CYP2J2: variants seen among roughly 807,000 people sequenced by gnomAD.
CYP2J2 encodes the protein cytochrome P450 2J2.
CYP2J2 carries 41 observed loss-of-function variants against 48.8 expected under a neutral mutation model. The ratio of observed to expected loss-of-function variants is 0.84; its 90% CI spans 0.66 to 1.09. The LOEUF is 1.09. CYP2J2 is among the 50% of genes least tolerant of loss of function. The pLI is 0.00. For synonymous variants in CYP2J2, 221 were observed against 227.1 expected (o/e 0.97, Z 0.24); for missense variants, 644 against 617.3 (o/e 1.04, Z -0.46).
the CYP2J2 span, among the ~76,000 whole-genome samples, chr1:59,957,490 A>C: frequency 3.3e-5 from 5 of 152,100 alleles, no homozygotes; most frequent in Non-Finnish European, 5.9e-5. Context: ...GAACTTGACA[A>C]CACCAGGCAT....
intron 8 of CYP2J2, among the ~76,000 whole-genome samples, chr1:59,897,361 AC>A (rs976091602): frequency 3.3e-5 from 5 of 152,216 alleles, no homozygotes; most frequent in African/African-American, 1.2e-4. Flanking sequence ...TTCTCGCAAA[AC>A]TAAACTTATC....
At chr1:59,935,033 T>TATAC in the CYP2J2 span, among the ~76,000 whole-genome samples, 3 of 96,944 alleles carry the variant, frequency 3.1e-5, no homozygotes, top group African/African-American at 1.3e-4. Context: ...TATATATATA[T>TATAC]ATATATATAT....
chr1:59,966,378 T>A, the CYP2J2 span, among the ~76,000 whole-genome samples: 6 of 152,138 alleles, frequency 3.9e-5, no homozygotes, highest in African/African-American at 1.4e-4. Flanking sequence ...ATATTTAAAG[T>A]TTTTTATGGG....
the CYP2J2 span, among the ~76,000 whole-genome samples, chr1:59,952,837 T>TCCTCTA: frequency 6.6e-6 from 1 of 152,174 alleles, no homozygotes; most frequent in African/African-American, 2.4e-5. Flanking sequence ...GCATGGTCCC[T>TCCTCTA]CCTCTACCTA....
chr1:59,944,648 G>A, the CYP2J2 span, among the ~76,000 whole-genome samples: 1 of 152,096 alleles, frequency 6.6e-6, no homozygotes, highest in South Asian at 2.1e-4. Context: ...TATTTCCTAC[G>A]TACAAGAATA....
the CYP2J2 span, among the ~76,000 whole-genome samples, chr1:59,941,424 T>C: frequency 3.3e-3 from 500 of 152,334 alleles, 1 homozygote; most frequent in African/African-American, 0.011. Context: ...ATAATACAAA[T>C]AATTATGTAC....
intron 1 of CYP2J2, among the ~76,000 whole-genome samples, chr1:59,924,646 AC>A (rs1261845025): frequency 6.6e-6 from 1 of 152,124 alleles, no homozygotes; most frequent in Non-Finnish European, 1.5e-5. Context: ...CACTTGTAAA[AC>A]ATAATACAAA....
In CYP2J2 at chr1:59,912,192, G is replaced by A. The variant is rs759945858; in HGVS notation, c.493C>T (p.His165Tyr). 4.3e-6 allele frequency: 7 copies of A among 1,613,660 alleles called. No homozygotes were observed. The highest frequency in any genetic ancestry group is 1.6e-4 in the Middle Eastern group (1 of 6,078). Reference protein sequence around the residue: ...LEERIQEEAQHLTEAIKEENG... With the variant: ...LEERIQEEAQYLTEAIKEENG... The stretch of plus-strand genomic sequence containing the variant: ...TCCTCTTTTATTGCTTCAGTGAGGT[G>A]TTGGGCCTCCTCCTGAATGCGTTCC... The change falls in exon 3 of 9, where the codon CAC (histidine) becomes TAC (tyrosine). Residue 165 changes from histidine to tyrosine, a missense_variant. Physicochemically the swap from His to Tyr is moderately conservative, Grantham distance 83. Transcript: ENST00000371204.
chr1:59,914,713 T>C (rs1483064437), intron 2 of CYP2J2, among the ~76,000 whole-genome samples: 1 of 152,168 alleles, frequency 6.6e-6, no homozygotes, highest in East Asian at 1.9e-4. Context: ...TGTCCAAGGT[T>C]TCTCCCCATG....
At chr1:59,949,826 C>T in the CYP2J2 span, among the ~76,000 whole-genome samples, 10 of 151,438 alleles carry the variant, frequency 6.6e-5, no homozygotes, top group Non-Finnish European at 1.2e-4. Context: ...TTAATGGCTC[C>T]AGTCACCTGG....
the CYP2J2 span, among the ~76,000 whole-genome samples, chr1:59,948,114 A>G: frequency 1.3e-5 from 2 of 152,160 alleles, no homozygotes; most frequent in African/African-American, 4.8e-5. Flanking sequence ...CCCACTAGAA[A>G]GTTGGTGCCC....
chr1:59,942,705 A>G, the CYP2J2 span, among the ~76,000 whole-genome samples: 4 of 152,276 alleles, frequency 2.6e-5, no homozygotes, highest in South Asian at 2.1e-4. Flanking sequence ...GGTGGATGGC[A>G]TTGGCTTAGA....
At chr1:59,944,806 A>G in the CYP2J2 span, among the ~76,000 whole-genome samples, 12 of 152,096 alleles carry the variant, frequency 7.9e-5, no homozygotes, top group African/African-American at 2.4e-4. Context: ...CAAAAAATGC[A>G]TTATTTTAAT....
At chr1:59,955,992 C>T in the CYP2J2 span, among the ~76,000 whole-genome samples, 1 of 151,970 alleles carries the variant, frequency 6.6e-6, no homozygotes, top group Non-Finnish European at 1.5e-5. Context: ...CAACTTTATT[C>T]TCACTTGGCT....
intron 2 of CYP2J2, 111 bp from the exon 3 acceptor site, chr1:59,912,422 C>A (rs1644426266): frequency 8.7e-7 from 1 of 1,151,790 alleles, no homozygotes. Flanking sequence ...CATTAAGGCA[C>A]TTGAAAACTG....
intron 8 of CYP2J2, among the ~76,000 whole-genome samples, chr1:59,894,142 A>G (rs960141750): frequency 2.8e-4 from 42 of 152,204 alleles, no homozygotes; most frequent in African/African-American, 1.0e-3. Context: ...TGTTTAGCCT[A>G]AGAGCTTTAA....
At chr1:59,932,202 C>T in the CYP2J2 span, among the ~76,000 whole-genome samples, 9 of 151,994 alleles carry the variant, frequency 5.9e-5, no homozygotes, top group Admixed American at 5.9e-4. Context: ...AGTCTGAAGG[C>T]TAATCTATAC....
the CYP2J2 span, among the ~76,000 whole-genome samples, chr1:59,944,146 C>A: frequency 2.0e-5 from 3 of 152,192 alleles, no homozygotes; most frequent in African/African-American, 4.8e-5. Flanking sequence ...CCTATAATGT[C>A]TCATACAATG....
chr1:59,911,700 C>T lies in CYP2J2; in HGVS notation c.592G>A (p.Gly198Arg), dbSNP rs757548642. The change falls in exon 4 of 9, where the codon GGA becomes AGA. Residue 198 changes from glycine (G) to arginine (R), a missense_variant. By Grantham distance (125) the Gly-to-Arg change is moderately radical (BLOSUM62 -2). Transcript: ENST00000371204. ...CTATCCTGGTACTCAAAGCGTTCTC[C>T]GAAGGTGATGGAGCAAATGATATTG... is the stretch of plus-strand genomic sequence containing the variant. Reference protein sequence around the residue: ...VSNIICSITFGERFEYQDSWF... With the variant: ...VSNIICSITFRERFEYQDSWF... 150 of 1,613,528 alleles carry T rather than the reference C, an allele frequency of 9.3e-5. No individual in the cohort carries two copies. In the Middle Eastern group the frequency reaches 1.5e-3, roughly 16 times the overall value.
Sources: gnomAD v4.1 joint callset for allele counts (sites outside exome capture counted in the v4.1 genomes callset) on GRCh38, gnomAD v4.1.1 for gene constraint, MANE v1.5 for transcripts, NCBI Gene and HGNC (gene_info 2026-07-23, HGNC 2026-07-21) for gene names.